IL20RA: variants seen among roughly 807,000 people sequenced by gnomAD.
The protein encoded by IL20RA is interleukin 20 receptor subunit alpha.
IL20RA carries 29 observed loss-of-function variants against 36.5 expected under a neutral mutation model. That is an observed-to-expected ratio of 0.79 (90% CI 0.59 to 1.08). The LOEUF is 1.08. IL20RA is among the 50% of genes least tolerant of loss of function. The pLI is 0.00. For synonymous variants in IL20RA, 279 were observed against 267.1 expected (o/e 1.04, Z -0.43); for missense variants, 652 against 668.4 (o/e 0.98, Z 0.27).
At chr6:137,015,526 A>G (rs1775652950) in intron 2 of IL20RA, among the ~76,000 whole-genome samples, 1 of 152,168 alleles carries the variant, frequency 6.6e-6, no homozygotes, top group African/African-American at 2.4e-5. Flanking sequence ...TCCAGTAATT[A>G]TGAATAGGCG....
At chr6:137,020,585 G>A (rs1775860939) in intron 1 of IL20RA, among the ~76,000 whole-genome samples, 1 of 149,892 alleles carries the variant, frequency 6.7e-6, no homozygotes, top group South Asian at 2.1e-4. Context: ...TTGATTTTAT[G>A]TTTATGAAAA....
Position 137,002,073 on chromosome 6 carries a change from T to G in IL20RA, c.1147A>C (p.Thr383Pro). 5 of 1,614,180 alleles carry G rather than the reference T, an allele frequency of 3.1e-6. No homozygotes were observed. Among genetic ancestry groups the G allele is most frequent in the Non-Finnish European group, 4.2e-6 (5 of 1,180,034 alleles). The change falls in exon 7 of 7, where the codon ACC becomes CCC. Residue 383 changes from threonine to proline, a missense_variant. Coordinates refer to ENST00000316649, the MANE Select transcript of IL20RA (RefSeq NM_014432.4). ...SEENTEGTSL[T>P]QQESLSRTIP... ...GTTCTGCTGAGGGACTCTTGCTGGG[T>G]GAGAGAAGTACCTTCCGTGTTTTCT...
chr6:137,035,745 T>C (rs1776470430), intron 1 of IL20RA, among the ~76,000 whole-genome samples: 1 of 152,240 alleles, frequency 6.6e-6, no homozygotes, highest in Non-Finnish European at 1.5e-5. Context: ...CCTCATTCCC[T>C]ACATTATGGG....
intron 1 of IL20RA, chr6:137,042,911 GCAGTCCTTA>G (rs1776753657): frequency 6.6e-6 from 1 of 152,178 alleles, no homozygotes; most frequent in Non-Finnish European, 1.5e-5. Flanking sequence ...GGTCTTCCCA[GCAGTCCTTA>G]GACCTTAGCC....
intron 1 of IL20RA, among the ~76,000 whole-genome samples, chr6:137,031,524 C>T (rs1776282518): frequency 6.6e-6 from 1 of 152,166 alleles, no homozygotes; most frequent in East Asian, 1.9e-4. Flanking sequence ...GCATGCAGTA[C>T]AGGTTGGTAG....
In IL20RA at chr6:137,004,159, C is replaced by CGTTTT. The variant is rs531501235; in HGVS notation, c.864+461_864+462insAAAAC. On this transcript the variant is annotated intron_variant, in intron 6 of 6. Transcript: ENST00000316649. Reference sequence around the variant, plus strand: ...TCTGTTAGTCAGCTAATCCAGAAAGCTTTTTTTTTTTTTTTTTTTTTTTTT... The same window carrying CGTTTT: ...TCTGTTAGTCAGCTAATCCAGAAAGCGTTTTTTTTTTTTTTTTTTTTTTTTTTTTT... Among the ~76,000 whole-genome samples, 37 of 88,016 alleles carry CGTTTT rather than the reference C, an allele frequency of 4.2e-4. 18 individuals are homozygous for CGTTTT. The highest frequency in any genetic ancestry group is 3.5e-4 in the Non-Finnish European group (17 of 49,124). 57.7% of individuals were successfully genotyped at this position (88,016 alleles called of 152,430 possible). A position where few individuals can be genotyped will look rare whatever the true frequency, so the allele number is the denominator to read the frequency against.
intron 1 of IL20RA, among the ~76,000 whole-genome samples, chr6:137,034,916 G>A (rs1776433536): frequency 6.7e-6 from 1 of 148,922 alleles, no homozygotes; most frequent in African/African-American, 2.5e-5. Flanking sequence ...CTGCACTCCA[G>A]CCTGGGTGAA....
intron 1 of IL20RA, among the ~76,000 whole-genome samples, chr6:137,040,562 T>C (rs968090750): frequency 1.5e-4 from 23 of 152,310 alleles, no homozygotes; most frequent in Admixed American, 4.6e-4. Flanking sequence ...ATGGGGTTCC[T>C]TAGAGGGACA....
chr6:137,019,208 C>A (rs1456419845), intron 1 of IL20RA, among the ~76,000 whole-genome samples: 1 of 152,010 alleles, frequency 6.6e-6, no homozygotes, highest in Middle Eastern at 3.4e-3. Flanking sequence ...CTCACTGCAA[C>A]CTCCACTTCC....
intron 1 of IL20RA, among the ~76,000 whole-genome samples, chr6:137,035,060 T>C (rs1258943125): frequency 6.6e-6 from 1 of 152,130 alleles, no homozygotes; most frequent in Non-Finnish European, 1.5e-5. Flanking sequence ...AAGGACATGA[T>C]CCCATTCCTT....
At chr6:137,014,788 C>G (rs1775621754) in intron 2 of IL20RA, among the ~76,000 whole-genome samples, 1 of 151,322 alleles carries the variant, frequency 6.6e-6, no homozygotes, top group African/African-American at 2.4e-5. Flanking sequence ...ACTATTTAGT[C>G]TTAGTTCTAC....
chr6:137,008,770 T>TTAGA (rs767793785), intron 4 of IL20RA, 27 bp from the exon 5 acceptor site: 28 of 1,540,504 alleles, frequency 1.8e-5, no homozygotes, highest in Non-Finnish European at 4.4e-6. Context: ...CAAACATTGG[T>TTAGA]TAGAGCCAGA....
At chr6:137,004,881 A>C in intron 5 of IL20RA, 121 bp from the exon 6 acceptor site, 1 of 926,730 alleles carries the variant, frequency 1.1e-6, no homozygotes, top group Non-Finnish European at 1.6e-6. Flanking sequence ...ACATTTGGGA[A>C]CTCAGTTTTC....
Position 137,017,057 on chromosome 6 carries a change from G to A in IL20RA, c.135C>T (p.Phe45=), listed in dbSNP as rs760680492. 3 of 1,613,608 alleles carry A rather than the reference G, an allele frequency of 1.9e-6. No individual in the cohort carries two copies. Among genetic ancestry groups the A allele is most frequent in the Non-Finnish European group, 2.5e-6 (3 of 1,179,520 alleles). Residue 45 remains phenylalanine (F), a synonymous_variant, in exon 2 of 7, where the codon TTC becomes TTT. Transcript: ENST00000316649. Reference sequence around the variant, plus strand: ...GGACATTCTTCATGTTGATGGATAAGAAGGTGATGTTTGCAGGTTTAGGCA... The same window carrying A: ...GGACATTCTTCATGTTGATGGATAAAAAGGTGATGTTTGCAGGTTTAGGCA... ...GGLPKPANIT[F]LSINMKNVLQ... is the part of the protein sequence containing the mutation.
intron 1 of IL20RA, among the ~76,000 whole-genome samples, chr6:137,040,612 G>A (rs1776656511): frequency 6.6e-6 from 1 of 152,158 alleles, no homozygotes; most frequent in Non-Finnish European, 1.5e-5. Flanking sequence ...GCCAAAGCTG[G>A]AACAGCATGA....
intron 1 of IL20RA, among the ~76,000 whole-genome samples, chr6:137,031,007 A>G (rs1776258929): frequency 6.6e-6 from 1 of 152,200 alleles, no homozygotes; most frequent in Admixed American, 6.5e-5. Context: ...AACAGTTACT[A>G]TTCATTGTAA....
intron 1 of IL20RA, among the ~76,000 whole-genome samples, chr6:137,028,072 A>G (rs1235983351): frequency 6.6e-5 from 10 of 152,178 alleles, no homozygotes; most frequent in Non-Finnish European, 1.3e-4. Flanking sequence ...GGTACCTACT[A>G]TGGGCTAGAA....
intron 1 of IL20RA, among the ~76,000 whole-genome samples, chr6:137,038,510 TTATA>T (rs1286564375): frequency 6.6e-6 from 1 of 152,150 alleles, no homozygotes; most frequent in African/African-American, 2.4e-5. Flanking sequence ...TTCTCCAATT[TTATA>T]TGTAATTGAT....
At chr6:137,005,444 C>A (rs901529410) in intron 5 of IL20RA, among the ~76,000 whole-genome samples, 5 of 152,104 alleles carry the variant, frequency 3.3e-5, no homozygotes, top group Non-Finnish European at 7.4e-5. Flanking sequence ...CCTGGGAAAT[C>A]GTTTTAATAA....
Sources: gnomAD v4.1 joint callset for allele counts (sites outside exome capture counted in the v4.1 genomes callset) on GRCh38, gnomAD v4.1.1 for gene constraint, MANE v1.5 for transcripts, NCBI Gene and HGNC (gene_info 2026-07-23, HGNC 2026-07-21) for gene names.